NDUFS4: variants seen among roughly 807,000 people sequenced by gnomAD.
NDUFS4 encodes NADH:ubiquinone oxidoreductase subunit S4.
A neutral mutation model predicts 24.3 loss-of-function variants in NDUFS4; 28 were observed. The ratio of observed to expected loss-of-function variants is 1.15; its 90% CI spans 0.85 to 1.58. The LOEUF is 1.58. Among genes scored for constraint, NDUFS4 ranks in the 40% most tolerant of loss-of-function variants. The pLI, the probability that NDUFS4 is intolerant of heterozygous loss-of-function variation, is 0.00. For missense variants in NDUFS4, 223 were observed against 207.9 expected (o/e 1.07, Z -0.45); for synonymous variants, 93 against 69.7 (o/e 1.34, Z -1.67).
chr5:53,682,369 G>A (rs1327419381), intron 4 of NDUFS4, among the ~76,000 whole-genome samples: 3 of 151,702 alleles, frequency 2.0e-5, no homozygotes, highest in South Asian at 2.1e-4. Flanking sequence ...TTTGATTAGC[G>A]GCCCTTACTT....
chr5:53,603,058 T>C (rs1750375518), intron 1 of NDUFS4, among the ~76,000 whole-genome samples: 1 of 152,212 alleles, frequency 6.6e-6, no homozygotes, highest in African/African-American at 2.4e-5. Context: ...GGGATTTTTT[T>C]CTTTTCGTTT....
intron 4 of NDUFS4, among the ~76,000 whole-genome samples, chr5:53,674,220 A>G (rs1206030797): frequency 6.6e-6 from 1 of 152,226 alleles, no homozygotes; most frequent in South Asian, 2.1e-4. Flanking sequence ...TAAAGAAGGT[A>G]TGATCCAATA....
chr5:53,656,885 A>C (rs1189355988), intron 3 of NDUFS4, among the ~76,000 whole-genome samples: 1 of 152,172 alleles, frequency 6.6e-6, no homozygotes, highest in Non-Finnish European at 1.5e-5. Flanking sequence ...TGGTGACAGC[A>C]TACCTAAAAA....
At chr5:53,589,875 G>A (rs924858742) in intron 1 of NDUFS4, among the ~76,000 whole-genome samples, 8 of 152,168 alleles carry the variant, frequency 5.3e-5, no homozygotes, top group African/African-American at 1.9e-4. Flanking sequence ...TTGAACATCA[G>A]ACTCCAAGTT....
chr5:53,580,743 TTTCC>T (rs1749537832), intron 1 of NDUFS4, among the ~76,000 whole-genome samples: 1 of 149,984 alleles, frequency 6.7e-6, no homozygotes, highest in Non-Finnish European at 1.5e-5. Context: ...TTTCCTTTCC[TTTCC>T]TTCCTTTCTC....
Position 53,654,711 on chromosome 5 carries a change from G to A in NDUFS4, c.351-3840G>A, listed in dbSNP as rs147931710. Among the ~76,000 whole-genome samples the A allele has an allele frequency of 4.1e-4, 62 of 152,188 alleles. 1 individual carries two copies. Among genetic ancestry groups the A allele is most frequent in the African/African-American group, 1.3e-3 (52 of 41,534 alleles). On this transcript the variant is annotated intron_variant, in intron 3 of 4. Transcript: ENST00000296684. ...CCGAGAAGAAACTCATTCACTTGCC[G>A]TTCTGTGCCATTCAGAGGGCATCTA...
chr5:53,587,857 G>A (rs10074680), intron 1 of NDUFS4, among the ~76,000 whole-genome samples: 5,013 of 152,242 alleles, frequency 0.033, 295 homozygotes, highest in African/African-American at 0.11. Flanking sequence ...GGGATTACAG[G>A]TGTGACACCA....
chr5:53,615,596 T>G (rs996629082), intron 2 of NDUFS4, among the ~76,000 whole-genome samples: 1 of 152,084 alleles, frequency 6.6e-6, no homozygotes, highest in African/African-American at 2.4e-5. Flanking sequence ...CTTTACTGTA[T>G]GCAGTATACT....
intron 4 of NDUFS4, among the ~76,000 whole-genome samples, chr5:53,680,811 A>G (rs946129709): frequency 2.0e-5 from 3 of 152,060 alleles, no homozygotes; most frequent in South Asian, 2.1e-4. Flanking sequence ...TAACCTGCAC[A>G]TTGTGCACAT....
chr5:53,640,358 A>G (rs896356853), intron 2 of NDUFS4, among the ~76,000 whole-genome samples: 12 of 152,276 alleles, frequency 7.9e-5, no homozygotes, highest in Admixed American at 2.6e-4. Context: ...TGTGGGCAGT[A>G]TCTTGGTCCA....
In NDUFS4 at chr5:53,582,909, A is replaced by T. The variant is rs554786337; in HGVS notation, c.99-20543A>T. The stretch of plus-strand genomic sequence containing the variant: ...AGCATCTCCATAAGCAGTATAGCAT[A>T]TATTTTTTTTGAGTCGGAGTCTCGC... On this transcript the variant is annotated intron_variant, in intron 1 of 4. Transcript: ENST00000296684. Among the ~76,000 whole-genome samples, 29 of 152,248 alleles carry T rather than the reference A, an allele frequency of 1.9e-4. No homozygotes were observed. In the South Asian group the frequency reaches 6.0e-3, roughly 32 times the overall value.
At chr5:53,614,268 T>C (rs1358753925) in intron 2 of NDUFS4, among the ~76,000 whole-genome samples, 1 of 151,954 alleles carries the variant, frequency 6.6e-6, no homozygotes, top group African/African-American at 2.4e-5. Context: ...TTAAAATATA[T>C]GCTTATTGAA....
chr5:53,569,238 A>G (rs368955315), intron 1 of NDUFS4, among the ~76,000 whole-genome samples: 1 of 149,492 alleles, frequency 6.7e-6, no homozygotes, highest in East Asian at 1.9e-4. Context: ...AGACTTAGAC[A>G]TGTGTAATTT....
Position 53,633,287 on chromosome 5 carries a change from T to C in NDUFS4, c.178-12946T>C, listed in dbSNP as rs549602652. ...ATGGTGACTTGGCATATTGAATATT[T>C]TATGAAGAAGGCAGAAGCAAAAAGG... On this transcript the variant is annotated intron_variant, in intron 2 of 4. Transcript: ENST00000296684. 2.0e-5 allele frequency among the ~76,000 whole-genome samples: 3 copies of C among 152,288 alleles called. No homozygotes were observed. The South Asian group carries it at 6.2e-4, about 32-fold the overall frequency.
chr5:53,560,657 A>T lies in NDUFS4; in HGVS notation c.-6A>T, dbSNP rs73754255. 1.4e-3 allele frequency: 2,231 copies of T among 1,614,262 alleles called. 25 individuals are homozygous for T. The African/African-American group carries it at 0.026, about 19-fold the overall frequency. On this transcript the variant is annotated 5_prime_UTR_variant, in exon 1 of 5. Coordinates refer to ENST00000296684, the MANE Select transcript of NDUFS4 (RefSeq NM_002495.4). ...TCCTTTCATCCTGGCGTTTGCCTGC[A>T]GCAAGATGGCGGCGGTGTCAATGTC...
intron 1 of NDUFS4, among the ~76,000 whole-genome samples, chr5:53,567,426 A>C (rs906786856): frequency 6.6e-6 from 1 of 152,186 alleles, no homozygotes; most frequent in Admixed American, 6.5e-5. Context: ...CAAATGCACA[A>C]TTAGTTGTTT....
At chr5:53,667,517 G>GA (rs1389474775) in intron 4 of NDUFS4, among the ~76,000 whole-genome samples, 1 of 151,086 alleles carries the variant, frequency 6.6e-6, no homozygotes, top group Non-Finnish European at 1.5e-5. Context: ...GGAGGTGGGG[G>GA]ATCTTTTCCA....
chr5:53,560,879 C>T (rs1748816098), intron 1 of NDUFS4, 119 bp downstream of exon 1: 2 of 1,549,496 alleles, frequency 1.3e-6, no homozygotes, highest in African/African-American at 1.4e-5. Flanking sequence ...ACCCTTTTCT[C>T]GGGAGAAGTC....
At chr5:53,560,784 T>C (rs1026991307) in intron 1 of NDUFS4, 24 bp downstream of exon 1, 1 of 1,613,944 alleles carries the variant, frequency 6.2e-7, no homozygotes, top group Non-Finnish European at 8.5e-7. Flanking sequence ...CACACTTTTC[T>C]TCAAGCTTCT....
Sources: allele counts gnomAD v4.1 joint callset (sites outside exome capture counted in the v4.1 genomes callset), GRCh38; gene constraint gnomAD v4.1.1; transcripts MANE v1.5; gene names NCBI Gene and HGNC (gene_info 2026-07-23, HGNC 2026-07-21).